The following CLVS1 variants were observed in gnomAD, a reference collection of about 807,000 sequenced individuals.
CLVS1 encodes the protein clavesin-1.
Under a neutral mutation model 33.1 loss-of-function variants are expected in CLVS1, and 10 were observed. The ratio of observed to expected loss-of-function variants is 0.30; its 90% CI spans 0.19 to 0.51. CLVS1 has a LOEUF of 0.51. Ranked by LOEUF, CLVS1 falls within the 20% of genes least tolerant of loss-of-function variation. The probability of loss-of-function intolerance (pLI) is 0.97; values close to 1 mark genes in which losing one functional copy is unlikely to be tolerated. For missense variants in CLVS1, 343 were observed against 433.4 expected, an observed-to-expected ratio of 0.79 and a Z score of 1.85; for synonymous variants, 163 against 166.1, an observed-to-expected ratio of 0.98 and a Z score of 0.14.
At chr8:61,340,737 T>TA (rs1205088289) in intron 2 of CLVS1, among the ~76,000 whole-genome samples, 3 of 152,240 alleles carry the variant, frequency 2.0e-5, no homozygotes, top group Admixed American at 6.5e-5. Context: ...GTTCTATTTT[T>TA]AATTTTTTTG....
chr8:61,397,234 CAGCCAT>C (rs1814563504), intron 3 of CLVS1, among the ~76,000 whole-genome samples: 1 of 152,056 alleles, frequency 6.6e-6, no homozygotes, highest in Non-Finnish European at 1.5e-5. Flanking sequence ...TTTTAAATTA[CAGCCAT>C]ATTTGTTGAT....
chr8:61,461,697 T>C (rs1268742672), intron 5 of CLVS1, among the ~76,000 whole-genome samples: 9 of 152,200 alleles, frequency 5.9e-5, no homozygotes, highest in Non-Finnish European at 1.2e-4. Flanking sequence ...ATAAATGTCT[T>C]TGGTATACCT....
chr8:61,261,230 G>T (rs1440927358), intron 2 of CLVS1, among the ~76,000 whole-genome samples: 3 of 152,130 alleles, frequency 2.0e-5, no homozygotes, highest in Non-Finnish European at 4.4e-5. Context: ...CCTTTACCTT[G>T]CTGTGCCTTG....
At chr8:61,013,767 GA>G in the CLVS1 span, among the ~76,000 whole-genome samples, 1 of 152,152 alleles carries the variant, frequency 6.6e-6, no homozygotes, top group East Asian at 1.9e-4. Context: ...TTCACAGGGG[GA>G]AAAAGTAAGA....
chr8:60,993,446 C>A, the CLVS1 span, among the ~76,000 whole-genome samples: 1 of 152,226 alleles, frequency 6.6e-6, no homozygotes, highest in African/African-American at 2.4e-5. Context: ...CTGTGCTTCT[C>A]TTGCTGGCTG....
intron 2 of CLVS1, among the ~76,000 whole-genome samples, chr8:61,272,768 T>C (rs1464407348): frequency 6.6e-6 from 1 of 152,250 alleles, no homozygotes; most frequent in Non-Finnish European, 1.5e-5. Flanking sequence ...TGATACCCTT[T>C]CTTCCAGTTG....
chr8:61,106,352 A>T (rs1392058204), intron 1 of CLVS1, among the ~76,000 whole-genome samples: 1 of 152,250 alleles, frequency 6.6e-6, no homozygotes, highest in Non-Finnish European at 1.5e-5. Context: ...CAAATAAAAG[A>T]TTTCCAACAA....
intron 2 of CLVS1, 108 bp downstream of exon 2, chr8:61,300,390 T>G: frequency 1.0e-6 from 1 of 995,640 alleles, no homozygotes; most frequent in Non-Finnish European, 1.4e-6. Flanking sequence ...TAAAAAATAT[T>G]TCACATGTTC....
intron 3 of CLVS1, among the ~76,000 whole-genome samples, chr8:61,447,585 G>A (rs1585987357): frequency 6.6e-6 from 1 of 151,652 alleles, no homozygotes; most frequent in African/African-American, 2.4e-5. Flanking sequence ...ATTATGTCAT[G>A]CATTCATAAC....
At chr8:61,296,050 G>A (rs1810197837) in intron 1 of CLVS1, among the ~76,000 whole-genome samples, 1 of 152,090 alleles carries the variant, frequency 6.6e-6, no homozygotes, top group Non-Finnish European at 1.5e-5. Context: ...GTGAACAAAA[G>A]ATTATAGTCA....
chr8:61,148,708 C>T (rs1806464422), intron 2 of CLVS1, among the ~76,000 whole-genome samples: 1 of 152,122 alleles, frequency 6.6e-6, no homozygotes, highest in South Asian at 2.1e-4. Flanking sequence ...ACAGCCAGAC[C>T]AAATCTAGAC....
intron 3 of CLVS1, chr8:61,391,077 G>T (rs934916180): frequency 6.6e-6 from 1 of 151,146 alleles, no homozygotes; most frequent in Non-Finnish European, 1.5e-5. Flanking sequence ...TATGTATTTT[G>T]ATTTGTCCTA....
At chr8:60,985,050 C>T in the CLVS1 span, among the ~76,000 whole-genome samples, 3 of 152,218 alleles carry the variant, frequency 2.0e-5, no homozygotes, top group Admixed American at 1.3e-4. Context: ...TCCAAATCCT[C>T]TTTTCCAACC....
At chr8:61,473,796 T>C (rs1187732825) in intron 5 of CLVS1, among the ~76,000 whole-genome samples, 3 of 152,192 alleles carry the variant, frequency 2.0e-5, no homozygotes, top group Non-Finnish European at 4.4e-5. Flanking sequence ...ATGTAAAAGA[T>C]GCAATGCTGC....
intron 2 of CLVS1, among the ~76,000 whole-genome samples, chr8:61,142,957 T>C (rs1162437696): frequency 6.6e-6 from 1 of 152,196 alleles, no homozygotes; most frequent in Non-Finnish European, 1.5e-5. Context: ...AAACATCCTA[T>C]TGAAGGAAGC....
rs533978920 is a variant in CLVS1 at position 61,219,006 on chromosome 8, T to A, written c.-151-80671T>A. Among the ~76,000 whole-genome samples the A allele has an allele frequency of 4.6e-5, 7 of 152,098 alleles. No homozygotes were observed. In the East Asian group the frequency reaches 1.4e-3, roughly 29 times the overall value. On this transcript the variant is annotated intron_variant, in intron 2 of 2. Coordinates refer to the CLVS1 transcript ENST00000522621. ...GGTACTCACAATTGTTGGGAGGAGATGAAGGTAGACAAAGAAGCTCACTAA... is the reference window on the plus strand; with the variant it reads ...GGTACTCACAATTGTTGGGAGGAGAAGAAGGTAGACAAAGAAGCTCACTAA...
intron 1 of CLVS1, among the ~76,000 whole-genome samples, chr8:61,110,132 G>A (rs138288407): frequency 3.9e-5 from 6 of 152,218 alleles, no homozygotes; most frequent in Non-Finnish European, 7.4e-5. Context: ...TGGCTGAATC[G>A]GAGCTGTCTC....
At chr8:61,449,230 T>A (rs1263329160) in intron 3 of CLVS1, among the ~76,000 whole-genome samples, 1 of 152,096 alleles carries the variant, frequency 6.6e-6, no homozygotes, top group Admixed American at 6.5e-5. Context: ...GTGGTGGTAG[T>A]GGTTTCATTA....
chr8:61,331,792 T>G (rs923099036), intron 2 of CLVS1, among the ~76,000 whole-genome samples: 4 of 148,710 alleles, frequency 2.7e-5, no homozygotes, highest in Non-Finnish European at 5.9e-5. Flanking sequence ...TCCTCCAGCT[T>G]CTTCTTCTTC....
Sources: gnomAD v4.1 joint callset for allele counts (sites outside exome capture counted in the v4.1 genomes callset) on GRCh38, gnomAD v4.1.1 for gene constraint, MANE v1.5 for transcripts, NCBI Gene and HGNC (gene_info 2026-07-23, HGNC 2026-07-21) for gene names.